ZNF33B: variants seen among roughly 807,000 people sequenced by gnomAD.
ZNF33B encodes the protein zinc finger protein 11b (KOX 2).
Under a neutral mutation model 45.8 loss-of-function variants are expected in ZNF33B, and 29 were observed. The ratio of observed to expected loss-of-function variants is 0.63; its 90% confidence interval spans 0.47 to 0.86. The LOEUF (loss-of-function observed/expected upper bound fraction) is 0.86. Ranked by LOEUF, ZNF33B falls within the 40% of genes least tolerant of loss-of-function variation. The pLI, the probability that ZNF33B is intolerant of heterozygous loss-of-function variation, is 0.00. For synonymous variants in ZNF33B, 305 were observed against 307.8 expected (o/e 0.99, Z 0.10); for missense variants, 831 against 909.9 (o/e 0.91, Z 1.12).
intron 4 of ZNF33B, among the ~76,000 whole-genome samples, chr10:42,613,104 T>A (rs954577824): frequency 6.6e-5 from 10 of 152,166 alleles, no homozygotes; most frequent in Admixed American, 6.5e-5. Context: ...CTTAATTGCT[T>A]TGGAAAGAGA....
chr10:42,600,849 A>C (rs1182770868), intron 4 of ZNF33B, among the ~76,000 whole-genome samples: 1 of 152,192 alleles, frequency 6.6e-6, no homozygotes, highest in Non-Finnish European at 1.5e-5. Context: ...TATAAAGTCA[A>C]TATCCTTTTT....
chr10:42,576,246 C>T (rs1836748260), intron 1 of ZNF33B, among the ~76,000 whole-genome samples: 1 of 152,156 alleles, frequency 6.6e-6, no homozygotes, highest in African/African-American at 2.4e-5. Context: ...GCCTCAGCCT[C>T]CCAAAATGCT....
chr10:42,630,675 C>T (rs992931570), intron 4 of ZNF33B, among the ~76,000 whole-genome samples: 1 of 152,194 alleles, frequency 6.6e-6, no homozygotes, highest in Non-Finnish European at 1.5e-5. Flanking sequence ...CACAATCACT[C>T]ATAAGGAAAA....
intron 4 of ZNF33B, among the ~76,000 whole-genome samples, chr10:42,608,705 A>G (rs7099357): frequency 0.017 from 2,544 of 152,262 alleles, 75 homozygotes; most frequent in African/African-American, 0.058. Context: ...TCAATAAACT[A>G]ATTTTCCACC....
intron 4 of ZNF33B, among the ~76,000 whole-genome samples, chr10:42,602,852 T>A (rs1218186119): frequency 1.5e-5 from 2 of 135,460 alleles, no homozygotes; most frequent in South Asian, 4.4e-4. Flanking sequence ...TTTCCTCATA[T>A]ACATGAGCTG....
chr10:42,634,941 T>TTAAA (rs1839219865), intron 2 of ZNF33B, among the ~76,000 whole-genome samples: 1 of 152,178 alleles, frequency 6.6e-6, no homozygotes, highest in African/African-American at 2.4e-5. Context: ...ACTTTTTCTG[T>TTAAA]AAAAAATCAG....
chr10:42,596,774 T>C (rs1024668830), intron 4 of ZNF33B, among the ~76,000 whole-genome samples: 3 of 152,116 alleles, frequency 2.0e-5, no homozygotes, highest in Non-Finnish European at 2.9e-5. Context: ...TTTACATATT[T>C]TTCTCCTGTC....
intron 4 of ZNF33B, among the ~76,000 whole-genome samples, chr10:42,613,862 T>G (rs1273654266): frequency 6.6e-6 from 1 of 152,176 alleles, no homozygotes; most frequent in African/African-American, 2.4e-5. Context: ...CTAATACCAT[T>G]CTCAAATAAA....
chr10:42,633,329 T>C (rs1392067809), intron 2 of ZNF33B, among the ~76,000 whole-genome samples: 2 of 152,156 alleles, frequency 1.3e-5, no homozygotes, highest in Non-Finnish European at 2.9e-5. Flanking sequence ...GCACATCTTT[T>C]AGGGATCACT....
chr10:42,625,448 T>C (rs1838764995), intron 4 of ZNF33B, among the ~76,000 whole-genome samples: 1 of 152,158 alleles, frequency 6.6e-6, no homozygotes, highest in Non-Finnish European at 1.5e-5. Flanking sequence ...AATCATTCAT[T>C]CATTCTGGGA....
At chr10:42,620,767 A>G (rs1838540274) in intron 4 of ZNF33B, among the ~76,000 whole-genome samples, 1 of 152,004 alleles carries the variant, frequency 6.6e-6, no homozygotes, top group Non-Finnish European at 1.5e-5. Context: ...CAAAGACACA[A>G]ATAAATTAAA....
chr10:42,626,108 A>G (rs1179948493), intron 4 of ZNF33B, among the ~76,000 whole-genome samples: 1 of 152,182 alleles, frequency 6.6e-6, no homozygotes, highest in African/African-American at 2.4e-5. Context: ...GCATTTTGTC[A>G]AATGCTTTCT....
In ZNF33B at chr10:42,593,967, T is replaced by C; in HGVS notation, c.983A>G (p.His328Arg). 1 of 1,614,082 alleles carries C rather than the reference T, an allele frequency of 6.2e-7. No homozygotes were observed. The highest frequency in any genetic ancestry group is 8.5e-7 in the Non-Finnish European group (1 of 1,179,958). ...QLQKGDKGEK[H>R]FECNECGKAF... ...TTTCCCACATTCATTACATTCAAAG[T>C]GTTTCTCTCCTTTATCACCTTTCTG... Residue 328 changes from histidine (H) to arginine (R), a missense_variant, in exon 5 of 5, where the codon CAC (histidine) becomes CGC (arginine). Transcript: ENST00000359467.
chr10:42,596,983 T>C (rs1024742127), intron 4 of ZNF33B, among the ~76,000 whole-genome samples: 4 of 152,012 alleles, frequency 2.6e-5, no homozygotes, highest in African/African-American at 9.7e-5. Flanking sequence ...TACATCCTTG[T>C]CATGTTTCTG....
intron 4 of ZNF33B, 64 bp downstream of exon 4, chr10:42,631,865 T>C: frequency 7.0e-7 from 1 of 1,436,712 alleles, no homozygotes; most frequent in South Asian, 1.1e-5. Flanking sequence ...TGCCAAACCC[T>C]GAATTAACTA....
chr10:42,634,361 C>T (rs1839193894), intron 2 of ZNF33B, among the ~76,000 whole-genome samples: 1 of 151,552 alleles, frequency 6.6e-6, no homozygotes, highest in Non-Finnish European at 1.5e-5. Context: ...GAGCTAAGAT[C>T]GCACCACTGC....
At chr10:42,623,674 G>T (rs1349465673) in intron 4 of ZNF33B, among the ~76,000 whole-genome samples, 2 of 152,136 alleles carry the variant, frequency 1.3e-5, no homozygotes, top group Non-Finnish European at 2.9e-5. Flanking sequence ...GCTGTTGGGA[G>T]GGGGGAATGA....
At chr10:42,585,406 GA>G (rs1836913025), downstream of ZNF33B, among the ~76,000 whole-genome samples, 1 of 152,200 alleles carries the variant, frequency 6.6e-6, no homozygotes, top group African/African-American at 2.4e-5. Context: ...CACTACCTTT[GA>G]TGAGTTCACA....
intron 1 of ZNF33B, among the ~76,000 whole-genome samples, chr10:42,575,841 T>C (rs77535505): frequency 0.067 from 10,091 of 151,500 alleles, 876 homozygotes; most frequent in African/African-American, 0.19. Context: ...GCGATTCTCG[T>C]GCCTCAGCCT....
Sources: allele counts gnomAD v4.1 joint callset (sites outside exome capture counted in the v4.1 genomes callset), GRCh38; gene constraint gnomAD v4.1.1; transcripts MANE v1.5; gene names NCBI Gene and HGNC (gene_info 2026-07-23, HGNC 2026-07-21).